FAM227B: variants seen among roughly 807,000 people sequenced by gnomAD.
FAM227B encodes protein FAM227B.
A neutral mutation model predicts 73.8 loss-of-function variants in FAM227B; 88 were observed. The observed-to-expected ratio is 1.19, with a 90% CI of 1.00 to 1.42. The LOEUF (loss-of-function observed/expected upper bound fraction) is 1.42. FAM227B is among the 40% of genes most tolerant of loss of function. The probability of loss-of-function intolerance (pLI) is 0.00; values close to 1 mark genes in which losing one functional copy is unlikely to be tolerated. For synonymous variants in FAM227B, 210 were observed against 190.5 expected (o/e 1.10, Z -0.84); for missense variants, 632 against 590.9 (o/e 1.07, Z -0.72).
intron 2 of FAM227B, 173 bp downstream of exon 2, chr15:49,614,948 T>C: frequency 1.5e-6 from 1 of 653,266 alleles, no homozygotes; most frequent in Non-Finnish European, 2.8e-6. Flanking sequence ...GCTTTCTTCC[T>C]TGGCAATACT....
intron 8 of FAM227B, 113 bp from the exon 9 acceptor site, chr15:49,568,459 A>T: frequency 1.2e-6 from 1 of 841,018 alleles, no homozygotes; most frequent in Non-Finnish European, 1.8e-6. Flanking sequence ...GTACAGGAGA[A>T]TCAGCATGGG....
intron 4 of FAM227B, among the ~76,000 whole-genome samples, chr15:49,588,951 T>C (rs567803738): frequency 3.9e-5 from 6 of 152,056 alleles, no homozygotes; most frequent in East Asian, 1.9e-4. Context: ...ATGAATCTAA[T>C]ACCTAAAAAC....
chr15:49,359,031 C>T (rs1432235039), intron 13 of FAM227B, among the ~76,000 whole-genome samples: 2 of 151,938 alleles, frequency 1.3e-5, no homozygotes, highest in Non-Finnish European at 2.9e-5. Flanking sequence ...AACTGGCTAG[C>T]CATATGTATA....
intron 11 of FAM227B, among the ~76,000 whole-genome samples, chr15:49,479,696 C>T (rs953347728): frequency 4.8e-5 from 7 of 145,208 alleles, no homozygotes; most frequent in Admixed American, 3.5e-4. Flanking sequence ...TCACTGCAAC[C>T]TCCGCCTCCC....
chr15:49,458,820 C>A (rs1354244013), intron 11 of FAM227B, among the ~76,000 whole-genome samples: 2 of 152,026 alleles, frequency 1.3e-5, no homozygotes, highest in Non-Finnish European at 2.9e-5. Flanking sequence ...ATAAGTCTTG[C>A]AGATGAATTC....
intron 11 of FAM227B, chr15:49,483,091 T>A: frequency 1.1e-6 from 1 of 912,084 alleles, no homozygotes; most frequent in Non-Finnish European, 1.8e-6. Context: ...AAATGGCCAT[T>A]CGTGGATCAT....
At chr15:49,572,206 G>A (rs1947494911) in intron 8 of FAM227B, among the ~76,000 whole-genome samples, 1 of 151,894 alleles carries the variant, frequency 6.6e-6, no homozygotes, top group African/African-American at 2.4e-5. Context: ...TTTGTATCCT[G>A]CAACTTAATT....
rs989761269 is a variant in FAM227B at position 49,473,588 on chromosome 15, C to T, written c.1012+34623G>A. Among the ~76,000 whole-genome samples, 18 of 152,064 alleles carry T rather than the reference C, an allele frequency of 1.2e-4. 1 individual carries two copies. Among genetic ancestry groups the T allele is most frequent in the Admixed American group, 9.8e-4 (15 of 15,274 alleles). On this transcript the variant is annotated intron_variant, in intron 11 of 15. Transcript: ENST00000299338. ...GACAATCATATTGGAGTTGGTCTCA[C>T]GTTTTGGAGGGGTATAATGACTCTC...
chr15:49,560,465 T>C (rs746890394), intron 9 of FAM227B, among the ~76,000 whole-genome samples: 2 of 152,100 alleles, frequency 1.3e-5, no homozygotes, highest in Non-Finnish European at 2.9e-5. Flanking sequence ...GAAAAAATAA[T>C]TCAAGAAAAA....
chr15:49,504,120 T>C (rs2152101818), intron 11 of FAM227B, among the ~76,000 whole-genome samples: 1 of 152,210 alleles, frequency 6.6e-6, no homozygotes, highest in South Asian at 2.1e-4. Flanking sequence ...GTTCATGTCC[T>C]TTGTAGGGAC....
intron 3 of FAM227B, among the ~76,000 whole-genome samples, chr15:49,604,668 G>T (rs1007761742): frequency 6.6e-6 from 1 of 151,144 alleles, no homozygotes; most frequent in African/African-American, 2.4e-5. Context: ...TCTCCTTCTG[G>T]AATTCCTATT....
chr15:49,542,962 T>C (rs890910101), intron 9 of FAM227B, among the ~76,000 whole-genome samples: 5 of 152,118 alleles, frequency 3.3e-5, no homozygotes, highest in African/African-American at 9.7e-5. Context: ...TGTGCTGCTA[T>C]AAACATGCGT....
intron 11 of FAM227B, among the ~76,000 whole-genome samples, chr15:49,498,982 C>G (rs970421947): frequency 6.6e-6 from 1 of 151,030 alleles, no homozygotes; most frequent in African/African-American, 2.4e-5. Flanking sequence ...CCGGCTAAAA[C>G]GGTGAAACCC....
chr15:49,500,378 G>T (rs1041949981), intron 11 of FAM227B, among the ~76,000 whole-genome samples: 1 of 152,248 alleles, frequency 6.6e-6, no homozygotes, highest in Non-Finnish European at 1.5e-5. Context: ...AAGCCACAGG[G>T]GTGAAGCTGC....
intron 11 of FAM227B, among the ~76,000 whole-genome samples, chr15:49,451,431 C>T (rs16962490): frequency 0.26 from 38,869 of 151,840 alleles, 5,329 homozygotes; most frequent in East Asian, 0.44. Flanking sequence ...GAAGTCTATG[C>T]ATTGCTGACA....
chr15:49,366,227 C>A (rs2045157036), intron 13 of FAM227B: 2 of 787,732 alleles, frequency 2.5e-6, no homozygotes, highest in East Asian at 4.8e-5. Context: ...AATGTTATTT[C>A]CTAGAGTCTG....
rs553052731 is a variant in FAM227B, at chr15:49,366,653, G to A, written c.1271+795C>T. 49 of 1,558,084 alleles carry A rather than the reference G, an allele frequency of 3.1e-5. No individual in the cohort carries two copies. In the East Asian group the frequency reaches 1.1e-3, roughly 34 times the overall value. The stretch of plus-strand genomic sequence containing the variant: ...CAGGAAGCCCCAGAGCAGGGCGGCC[G>A]TGGCAGGGGACAGCCGCCGCTGCGG... On this transcript the variant is annotated intron_variant, in intron 13 of 15. Transcript: ENST00000299338.
intron 10 of FAM227B, among the ~76,000 whole-genome samples, chr15:49,535,711 C>A (rs2060957174): frequency 1.3e-5 from 2 of 151,766 alleles, no homozygotes. Flanking sequence ...AAAGATTATA[C>A]ATCATCACTA....
At chr15:49,451,733 TG>T (rs1253418300) in intron 11 of FAM227B, among the ~76,000 whole-genome samples, 1 of 152,140 alleles carries the variant, frequency 6.6e-6, no homozygotes, top group African/African-American at 2.4e-5. Flanking sequence ...AAGCCTTTAT[TG>T]GGGATTAATA....
Sources: gnomAD v4.1 joint callset for allele counts (sites outside exome capture counted in the v4.1 genomes callset) on GRCh38, gnomAD v4.1.1 for gene constraint, MANE v1.5 for transcripts, NCBI Gene and HGNC (gene_info 2026-07-23, HGNC 2026-07-21) for gene names.